The following TRABD2A variants were observed in gnomAD, a reference collection of about 807,000 sequenced individuals.
TRABD2A encodes metalloprotease TIKI1.
A neutral mutation model predicts 45.6 loss-of-function variants in TRABD2A; 43 were observed. The observed-to-expected ratio is 0.94, with a 90% CI of 0.74 to 1.22. The LOEUF (loss-of-function observed/expected upper bound fraction) is 1.22, where lower values mean the gene tolerates loss of function less well. Ranked by LOEUF, TRABD2A falls within the 50% of genes most tolerant of loss-of-function variation. The pLI, the probability that TRABD2A is intolerant of heterozygous loss-of-function variation, is 0.00. For synonymous variants in TRABD2A, 269 were observed against 265.0 expected, an observed-to-expected ratio of 1.02 and a Z score of -0.15; for missense variants, 642 against 652.4, an observed-to-expected ratio of 0.98 and a Z score of 0.17.
intron 1 of TRABD2A, among the ~76,000 whole-genome samples, chr2:84,879,216 C>T (rs1034479352): frequency 4.6e-4 from 69 of 148,628 alleles, no homozygotes; most frequent in African/African-American, 1.7e-3. Flanking sequence ...TAGGGTCTCG[C>T]TCTTTCACCC....
intron 1 of TRABD2A, chr2:84,879,743 C>T (rs1386862574): frequency 9.7e-6 from 3 of 308,490 alleles, no homozygotes; most frequent in Non-Finnish European, 1.4e-5. Context: ...ACTCCCCTCT[C>T]CAGCTGCCGC....
chr2:84,833,342 GA>G (rs904371330), intron 4 of TRABD2A: 2 of 152,044 alleles, frequency 1.3e-5, no homozygotes, highest in African/African-American at 2.4e-5. Context: ...ACCTAAATAA[GA>G]AAAAAAGTCA....
intron 1 of TRABD2A, among the ~76,000 whole-genome samples, chr2:84,871,331 T>C (rs1223978580): frequency 6.6e-6 from 1 of 152,160 alleles, no homozygotes; most frequent in Non-Finnish European, 1.5e-5. Flanking sequence ...TGATCCCTGC[T>C]CTTTCAGATC....
intron 2 of TRABD2A, among the ~76,000 whole-genome samples, chr2:84,847,098 G>A (rs1178916525): frequency 6.6e-6 from 1 of 152,244 alleles, no homozygotes; most frequent in East Asian, 1.9e-4. Context: ...TGTGGAGCTA[G>A]AGGAGGTAAC....
chr2:84,879,130 A>G (rs1346931516), intron 1 of TRABD2A, among the ~76,000 whole-genome samples: 1 of 151,476 alleles, frequency 6.6e-6, no homozygotes, highest in Non-Finnish European at 1.5e-5. Context: ...GTTGTGTTTT[A>G]CTACTATCTC....
intron 5 of TRABD2A, among the ~76,000 whole-genome samples, chr2:84,828,258 T>C (rs1681206844): frequency 6.6e-6 from 1 of 152,042 alleles, no homozygotes; most frequent in Non-Finnish European, 1.5e-5. Context: ...TGCACACCCA[T>C]CTCTGTCTCC....
At chr2:84,850,611 T>G (rs1682051335) in intron 2 of TRABD2A, 1 of 152,124 alleles carries the variant, frequency 6.6e-6, no homozygotes, top group South Asian at 2.1e-4. Flanking sequence ...AGAACTATAG[T>G]TTGCCCCTCC....
At chr2:84,876,076 C>T (rs80130470) in intron 1 of TRABD2A, among the ~76,000 whole-genome samples, 20,721 of 151,248 alleles carry the variant, frequency 0.14, 1,801 homozygotes, top group African/African-American at 0.25. Flanking sequence ...TGGAGAAGGA[C>T]GGGGGTGAAA....
chr2:84,822,037 G>C lies in TRABD2A; in HGVS notation c.1398C>G (p.Leu466=). The change falls in exon 7 of 7, where the codon CTC becomes CTG. Residue 466 remains leucine, a synonymous_variant. Coordinates refer to ENST00000409520, the MANE Select transcript of TRABD2A (RefSeq NM_001277053.2). ...TGTGGTGGGAATGCCCACGGCGAGG[G>C]AGCCGCAGTTCAGTGGAGATGTGCC... ...LDRHISTELR[L]PRRGHSHHSQ... The C allele has an allele frequency of 6.3e-7, 1 of 1,592,024 alleles. No individual in the cohort carries two copies. Among genetic ancestry groups the C allele is most frequent in the Non-Finnish European group, 8.6e-7 (1 of 1,169,524 alleles).
chr2:84,866,682 CTTTTTT>C (rs111567421), intron 2 of TRABD2A, among the ~76,000 whole-genome samples: 9 of 139,454 alleles, frequency 6.5e-5, no homozygotes, highest in African/African-American at 2.1e-4. Flanking sequence ...CAATTTCCTG[CTTTTTT>C]TTTTTTTTTT....
chr2:84,836,907 T>C (rs1427703875), intron 4 of TRABD2A: 2 of 152,022 alleles, frequency 1.3e-5, no homozygotes, highest in Non-Finnish European at 2.9e-5. Flanking sequence ...ATAATTTTTA[T>C]ATTTTTATTG....
intron 1 of TRABD2A, among the ~76,000 whole-genome samples, chr2:84,873,158 C>A (rs922816233): frequency 6.7e-6 from 1 of 149,154 alleles, no homozygotes; most frequent in East Asian, 2.0e-4. Context: ...CAGTTGCTGA[C>A]GCCTATAATC....
intron 5 of TRABD2A, among the ~76,000 whole-genome samples, chr2:84,825,545 A>G (rs1043100778): frequency 6.6e-6 from 1 of 152,214 alleles, no homozygotes; most frequent in Non-Finnish European, 1.5e-5. Flanking sequence ...CTGTCTCCTG[A>G]GCTCAGCGCA....
intron 2 of TRABD2A, chr2:84,851,059 C>G (rs1682076447): frequency 6.6e-6 from 1 of 152,368 alleles, no homozygotes; most frequent in Non-Finnish European, 1.5e-5. Flanking sequence ...ATGCTTAAAG[C>G]TTGCTACTTG....
chr2:84,822,048 C>T lies in TRABD2A; in HGVS notation c.1387G>A (p.Glu463Lys). 1.3e-6 allele frequency: 2 copies of T among 1,590,728 alleles called. No homozygotes were observed. Among genetic ancestry groups the T allele is most frequent in the Middle Eastern group, 1.7e-4 (1 of 5,976 alleles). Reference protein sequence around the residue: ...VPVLDRHISTELRLPRRGHSH... With the variant: ...VPVLDRHISTKLRLPRRGHSH... ...TGCCCACGGCGAGGGAGCCGCAGTTCAGTGGAGATGTGCCTGTCCAGGACA... is the reference window on the plus strand; with the variant it reads ...TGCCCACGGCGAGGGAGCCGCAGTTTAGTGGAGATGTGCCTGTCCAGGACA... The change falls in exon 7 of 7, where the codon GAA becomes AAA. Residue 463 changes from glutamate to lysine, a missense_variant. By Grantham distance (56) the Glu-to-Lys change is moderately conservative. Transcript: ENST00000409520.
At chr2:84,863,813 G>C (rs867072096) in intron 2 of TRABD2A, among the ~76,000 whole-genome samples, 1 of 151,870 alleles carries the variant, frequency 6.6e-6, no homozygotes, top group African/African-American at 2.4e-5. Context: ...GGGTTTCACC[G>C]TGTTAGCCAG....
chr2:84,822,050 G>T lies in TRABD2A; in HGVS notation c.1385C>A (p.Thr462Asn). The change falls in exon 7 of 7, where the codon ACT (threonine) becomes AAT (asparagine). Residue 462 changes from threonine (T) to asparagine (N), a missense_variant. By Grantham distance (65) the Thr-to-Asn change is moderately conservative. Coordinates refer to ENST00000409520, the MANE Select transcript of TRABD2A (RefSeq NM_001277053.2). ...CCCACGGCGAGGGAGCCGCAGTTCA[G>T]TGGAGATGTGCCTGTCCAGGACAGG... ...QVPVLDRHIS[T>N]ELRLPRRGHS... is the part of the protein sequence containing the mutation. 1.9e-6 allele frequency: 3 copies of T among 1,590,540 alleles called. No individual in the cohort carries two copies. Among genetic ancestry groups the T allele is most frequent in the Non-Finnish European group, 1.7e-6 (2 of 1,168,764 alleles).
At chr2:84,849,952 C>T (rs959623474) in intron 2 of TRABD2A, among the ~76,000 whole-genome samples, 1 of 152,186 alleles carries the variant, frequency 6.6e-6, no homozygotes, top group Admixed American at 6.5e-5. Context: ...GAAACATAAG[C>T]CTTTCTATGG....
intron 3 of TRABD2A, 144 bp from the exon 4 acceptor site, chr2:84,839,467 CTA>C (rs1404122155): frequency 3.9e-6 from 3 of 760,836 alleles, no homozygotes; most frequent in East Asian, 5.4e-5. Context: ...TTCCTGTCTG[CTA>C]TGTTTCCCAC....
Sources: gnomAD v4.1 joint callset for allele counts (sites outside exome capture counted in the v4.1 genomes callset) on GRCh38, gnomAD v4.1.1 for gene constraint, MANE v1.5 for transcripts, NCBI Gene and HGNC (gene_info 2026-07-23, HGNC 2026-07-21) for gene names.